The following EIF2B3 variants were observed in gnomAD, a reference collection of about 807,000 sequenced individuals.
EIF2B3 encodes eukaryotic translation initiation factor 2B subunit gamma.
A neutral mutation model predicts 54.1 loss-of-function variants in EIF2B3; 20 were observed. The ratio of observed to expected loss-of-function variants is 0.37; its 90% CI spans 0.26 to 0.54. The LOEUF (loss-of-function observed/expected upper bound fraction) is 0.54, where lower values mean the gene tolerates loss of function less well. Among genes scored for constraint, EIF2B3 ranks in the 20% least tolerant of loss-of-function variants. The pLI is 0.86. For missense variants in EIF2B3, 448 were observed against 547.8 expected (o/e 0.82, Z 1.82); for synonymous variants, 153 against 188.1 (o/e 0.81, Z 1.52).
chr1:44,855,754 A>G (rs111470739), intron 11 of EIF2B3, among the ~76,000 whole-genome samples: 19,308 of 152,008 alleles, frequency 0.13, 1,505 homozygotes, highest in Non-Finnish European at 0.17. Context: ...ACGGGGTTTC[A>G]CCATGTTGGT....
intron 3 of EIF2B3, among the ~76,000 whole-genome samples, chr1:44,972,232 TAC>T (rs201511100): frequency 0.029 from 3,490 of 121,770 alleles, 101 homozygotes; most frequent in African/African-American, 0.083. Flanking sequence ...TAAAAAAAAA[TAC>T]ACACACACAC....
At chr1:44,890,285 G>A (rs932942013) in intron 6 of EIF2B3, among the ~76,000 whole-genome samples, 5 of 152,120 alleles carry the variant, frequency 3.3e-5, no homozygotes, top group Non-Finnish European at 5.9e-5. Context: ...GGGCTCTACC[G>A]TGAGGCCAGT....
chr1:44,979,364 T>C (rs1644488690), intron 2 of EIF2B3, among the ~76,000 whole-genome samples: 2 of 138,778 alleles, frequency 1.4e-5, no homozygotes. Flanking sequence ...TAATCAAAAA[T>C]ACAAATGGGA....
chr1:44,871,328 T>G (rs1654958077), intron 10 of EIF2B3, among the ~76,000 whole-genome samples: 1 of 152,264 alleles, frequency 6.6e-6, no homozygotes, highest in Non-Finnish European at 1.5e-5. Flanking sequence ...ATTATTTCAA[T>G]GGCCTTCCTG....
At chr1:44,960,292 T>A (rs1644270153) in intron 3 of EIF2B3, among the ~76,000 whole-genome samples, 1 of 151,728 alleles carries the variant, frequency 6.6e-6, no homozygotes, top group Non-Finnish European at 1.5e-5. Context: ...CGAGAAAAAA[T>A]AAAAATAATA....
At chr1:44,874,476 G>A in intron 10 of EIF2B3, 2 of 593,844 alleles carry the variant, frequency 3.4e-6, no homozygotes, top group Non-Finnish European at 5.8e-6. Context: ...TTCTCTGTTT[G>A]GTTTATTTTC....
In EIF2B3 at chr1:44,958,677, T is replaced by A. The variant is rs554460342; in HGVS notation, c.295-17012A>T. The A allele has an allele frequency of 2.1e-5, 33 of 1,597,568 alleles. No individual in the cohort carries two copies. In the East Asian group the frequency reaches 7.2e-4, roughly 35 times the overall value. ...CTGTGATCAGCATGGCAGTGGTGAG[T>A]TTAGTCGCTCACCAGCTATCTGTGC... On this transcript the variant is annotated intron_variant, in intron 3 of 11. Transcript: ENST00000360403.
chr1:44,952,024 G>A (rs1451986920), intron 3 of EIF2B3, among the ~76,000 whole-genome samples: 1 of 118,964 alleles, frequency 8.4e-6, no homozygotes, highest in Admixed American at 9.2e-5. Flanking sequence ...GTGCAGTGGC[G>A]GGAACTCGGC....
chr1:44,932,130 C>A (rs1178012999), intron 4 of EIF2B3, among the ~76,000 whole-genome samples: 2 of 152,040 alleles, frequency 1.3e-5, no homozygotes, highest in Admixed American at 1.3e-4. Context: ...CACACACACA[C>A]ACACACACAC....
chr1:44,873,006 A>AGAAGAG (rs1342821268), intron 10 of EIF2B3, among the ~76,000 whole-genome samples: 1 of 152,200 alleles, frequency 6.6e-6, no homozygotes, highest in African/African-American at 2.4e-5. Context: ...GGCAATTATT[A>AGAAGAG]GCATCTCTTC....
intron 3 of EIF2B3, among the ~76,000 whole-genome samples, chr1:44,974,152 C>G (rs263997): frequency 0.31 from 47,005 of 151,622 alleles, 8,148 homozygotes; most frequent in African/African-American, 0.45. Context: ...TACTGGAGGT[C>G]CTGGCCAGGG....
intron 8 of EIF2B3, 138 bp from the exon 9 acceptor site, chr1:44,875,833 G>C (rs971018676): frequency 2.7e-6 from 2 of 739,784 alleles, no homozygotes; most frequent in East Asian, 5.4e-5. Flanking sequence ...CTCTGATGCC[G>C]AGCCAAAGCT....
intron 6 of EIF2B3, among the ~76,000 whole-genome samples, chr1:44,895,755 A>T (rs1028061573): frequency 2.0e-5 from 3 of 152,170 alleles, no homozygotes; most frequent in Admixed American, 2.0e-4. Context: ...CAATGAGTTG[A>T]TAATTGTTGA....
intron 11 of EIF2B3, among the ~76,000 whole-genome samples, chr1:44,856,240 C>T (rs535463387): frequency 1.1e-3 from 161 of 152,092 alleles, no homozygotes; most frequent in South Asian, 6.6e-3. Context: ...TGGGGCTGGG[C>T]GCAGTGGCTC....
At chr1:44,916,387 A>AT (rs1034353043) in intron 5 of EIF2B3, among the ~76,000 whole-genome samples, 22 of 150,174 alleles carry the variant, frequency 1.5e-4, no homozygotes, top group Admixed American at 4.0e-4. Context: ...ATGCTTGGTT[A>AT]TTTTTTTTTA....
chr1:44,955,813 A>C (rs556077886), intron 3 of EIF2B3, among the ~76,000 whole-genome samples: 1 of 152,342 alleles, frequency 6.6e-6, no homozygotes, highest in South Asian at 2.1e-4. Flanking sequence ...ACAATGAGAT[A>C]CCATCTAATT....
At chr1:44,939,929 G>T (rs1187249291) in intron 4 of EIF2B3, among the ~76,000 whole-genome samples, 1 of 152,074 alleles carries the variant, frequency 6.6e-6, no homozygotes, top group African/African-American at 2.4e-5. Flanking sequence ...AGGCAGAAAA[G>T]AATGAATACA....
intron 10 of EIF2B3, among the ~76,000 whole-genome samples, chr1:44,872,135 C>G (rs1043214199): frequency 6.6e-6 from 1 of 152,124 alleles, no homozygotes; most frequent in Non-Finnish European, 1.5e-5. Flanking sequence ...CAGACTCAGT[C>G]GGTCCTCCCA....
At chr1:44,938,065 A>C (rs552735456) in intron 4 of EIF2B3, among the ~76,000 whole-genome samples, 224 of 152,216 alleles carry the variant, frequency 1.5e-3, no homozygotes, top group Non-Finnish European at 2.4e-3. Context: ...GAGATTAGCC[A>C]TTCCCCTATA....
Sources: gnomAD v4.1 joint callset for allele counts (sites outside exome capture counted in the v4.1 genomes callset) on GRCh38, gnomAD v4.1.1 for gene constraint, MANE v1.5 for transcripts, NCBI Gene and HGNC (gene_info 2026-07-23, HGNC 2026-07-21) for gene names.